MRTFB: variants seen among roughly 807,000 people sequenced by gnomAD.
MRTFB encodes myocardin related transcription factor B.
In MRTFB, 29 loss-of-function variants were observed where a neutral mutation model predicts 104.2. The observed-to-expected ratio is 0.28, with a 90% CI of 0.21 to 0.38. MRTFB has a LOEUF of 0.38. Among genes scored for constraint, MRTFB ranks in the 10% least tolerant of loss-of-function variants. MRTFB has a pLI of 1.00. For synonymous variants in MRTFB, 535 were observed against 519.5 expected, an observed-to-expected ratio of 1.03 and a Z score of -0.41; for missense variants, 1,270 against 1,341.6, an observed-to-expected ratio of 0.95 and a Z score of 0.83.
intron 2 of MRTFB, among the ~76,000 whole-genome samples, chr16:14,097,536 A>G (rs192970659): frequency 1.9e-4 from 29 of 152,366 alleles, no homozygotes; most frequent in African/African-American, 6.5e-4. Context: ...TTCAAATGGG[A>G]TATTATAAAA....
chr16:14,157,937 A>G (rs1400676877), intron 3 of MRTFB, among the ~76,000 whole-genome samples: 1 of 152,134 alleles, frequency 6.6e-6, no homozygotes. Context: ...TATTGGCCCA[A>G]ATGTTTGAAA....
At chr16:14,202,224 A>G (rs1409413766) in intron 3 of MRTFB, among the ~76,000 whole-genome samples, 1 of 152,144 alleles carries the variant, frequency 6.6e-6, no homozygotes, top group Non-Finnish European at 1.5e-5. Flanking sequence ...TATGTTATAT[A>G]TAACATTGGT....
intron 3 of MRTFB, among the ~76,000 whole-genome samples, chr16:14,197,372 C>A (rs1433976016): frequency 6.6e-6 from 1 of 152,052 alleles, no homozygotes; most frequent in Non-Finnish European, 1.5e-5. Flanking sequence ...TTACTCATAG[C>A]CCCTCCTTTT....
chr16:14,224,028 A>AACTT (rs2041878651), intron 8 of MRTFB, among the ~76,000 whole-genome samples: 1 of 152,200 alleles, frequency 6.6e-6, no homozygotes, highest in Admixed American at 6.5e-5. Flanking sequence ...GGCCTCATGA[A>AACTT]ACTTACAGTC....
rs571722793 is a variant in MRTFB, at chr16:14,096,325, G to T, written c.-64+16971G>T. Among the ~76,000 whole-genome samples the T allele has an allele frequency of 2.6e-5, 4 of 152,086 alleles. No homozygotes were observed. In the South Asian group the frequency reaches 8.3e-4, roughly 32 times the overall value. ...TGACCTCAAGTGATCTGCCTGCTTC[G>T]GCCTCCCAAAGTGTTGGATTACAGG... On this transcript the variant is annotated intron_variant, in intron 2 of 16. Transcript: ENST00000571589.
At chr16:14,256,600 G>A (rs904283577) in intron 15 of MRTFB, among the ~76,000 whole-genome samples, 2 of 152,178 alleles carry the variant, frequency 1.3e-5, no homozygotes, top group East Asian at 3.9e-4. Context: ...GGGCACTGAG[G>A]CCTCCCATCA....
the MRTFB span, among the ~76,000 whole-genome samples, chr16:14,025,888 G>GA: frequency 2.6e-5 from 4 of 151,944 alleles, no homozygotes; most frequent in Non-Finnish European, 5.9e-5. Flanking sequence ...ATCACTCAGG[G>GA]AAAAAAACCC....
chr16:14,066,722 G>A (rs961242407), upstream of MRTFB, among the ~76,000 whole-genome samples: 4 of 152,020 alleles, frequency 2.6e-5, no homozygotes, highest in African/African-American at 9.7e-5. Context: ...GCCCAGGCTG[G>A]AGTGCAGTGG....
intron 2 of MRTFB, among the ~76,000 whole-genome samples, chr16:14,134,634 T>A (rs946006580): frequency 3.3e-5 from 5 of 152,232 alleles, no homozygotes; most frequent in African/African-American, 1.2e-4. Context: ...CCTAATAATG[T>A]AGGCCTTCAG....
At chr16:14,043,925 G>C in the MRTFB span, among the ~76,000 whole-genome samples, 1 of 152,230 alleles carries the variant, frequency 6.6e-6, no homozygotes, top group African/African-American at 2.4e-5. Context: ...ATATAGTGCA[G>C]TGATAGGAGC....
chr16:14,157,892 T>C (rs2038884927), intron 3 of MRTFB, among the ~76,000 whole-genome samples: 1 of 145,204 alleles, frequency 6.9e-6, no homozygotes, highest in African/African-American at 2.8e-5. Context: ...TCATATTCTA[T>C]TTTTATCAAA....
chr16:14,205,105 T>C (rs1191842063), intron 3 of MRTFB, among the ~76,000 whole-genome samples: 1 of 152,204 alleles, frequency 6.6e-6, no homozygotes, highest in Non-Finnish European at 1.5e-5. Flanking sequence ...AGAATCAAAA[T>C]CTATGCTTAA....
chr16:14,229,838 C>T (rs1349042742), intron 8 of MRTFB, among the ~76,000 whole-genome samples: 1 of 151,962 alleles, frequency 6.6e-6, no homozygotes, highest in Non-Finnish European at 1.5e-5. Context: ...AAGATCTGGC[C>T]CTCGTGAGAC....
intron 2 of MRTFB, among the ~76,000 whole-genome samples, chr16:14,134,972 G>T (rs190089439): frequency 6.6e-6 from 1 of 152,300 alleles, no homozygotes; most frequent in African/African-American, 2.4e-5. Flanking sequence ...GTCAAGCTGA[G>T]TAAATATTCT....
chr16:14,097,363 A>T (rs1227857011), intron 2 of MRTFB, among the ~76,000 whole-genome samples: 1 of 152,230 alleles, frequency 6.6e-6, no homozygotes, highest in Non-Finnish European at 1.5e-5. Flanking sequence ...CCACTGTGCA[A>T]TCCAGGAAGA....
upstream of MRTFB, among the ~76,000 whole-genome samples, chr16:14,068,994 A>G (rs1596671123): frequency 1.0e-5 from 1 of 100,230 alleles, no homozygotes; most frequent in African/African-American, 4.8e-5. Flanking sequence ...TTTTTTTGAG[A>G]CAGTCTCACT....
Position 14,218,930 on chromosome 16 carries a change from G to A in MRTFB, c.625G>A (p.Ala209Thr). 1 of 1,614,116 alleles carries A rather than the reference G, an allele frequency of 6.2e-7. No individual in the cohort carries two copies. The highest frequency in any genetic ancestry group is 8.5e-7 in the Non-Finnish European group (1 of 1,180,020). Reference sequence around the variant, plus strand: ...TGCGAGTCAGGAGTCACAGGGGTCAGCCGCGTCCCCAAGTGAGCCAAAAGT... The same window carrying A: ...TGCGAGTCAGGAGTCACAGGGGTCAACCGCGTCCCCAAGTGAGCCAAAAGT... ...QPASQESQGSAASPSEPKVSE... is the reference protein window; with the variant it reads ...QPASQESQGSTASPSEPKVSE... Residue 209 changes from alanine (A) to threonine (T), a missense_variant, in exon 8 of 17, where the codon GCC becomes ACC. Ala to Thr is a moderately conservative substitution (Grantham distance 58). Coordinates refer to ENST00000571589, the MANE Select transcript of MRTFB (RefSeq NM_001308142.2).
At chr16:14,244,761 C>A (rs747887087) in intron 10 of MRTFB, among the ~76,000 whole-genome samples, 12 of 152,138 alleles carry the variant, frequency 7.9e-5, no homozygotes, top group Non-Finnish European at 1.3e-4. Flanking sequence ...CTCTTTCTTA[C>A]TGATTTTAAA....
At chr16:14,084,216 G>T (rs957376809) in intron 2 of MRTFB, among the ~76,000 whole-genome samples, 2 of 152,158 alleles carry the variant, frequency 1.3e-5, no homozygotes, top group African/African-American at 2.4e-5. Context: ...CTCTCCCTTT[G>T]TTTTTTATTC....
Sources: allele counts gnomAD v4.1 joint callset (sites outside exome capture counted in the v4.1 genomes callset), GRCh38; gene constraint gnomAD v4.1.1; transcripts MANE v1.5; gene names NCBI Gene and HGNC (gene_info 2026-07-23, HGNC 2026-07-21).